The following VAV2 variants were observed in gnomAD, a reference collection of about 807,000 sequenced individuals.
The protein encoded by VAV2 is vav guanine nucleotide exchange factor 2.
Under a neutral mutation model 132.5 loss-of-function variants are expected in VAV2, and 67 were observed. The ratio of observed to expected loss-of-function variants is 0.51; its 90% confidence interval spans 0.42 to 0.62. VAV2 has a LOEUF of 0.62. Among genes scored for constraint, VAV2 ranks in the 20% least tolerant of loss-of-function variants. VAV2 has a pLI of 0.00. For missense variants in VAV2, 938 were observed against 1,153.6 expected, an observed-to-expected ratio of 0.81 and a Z score of 2.71; for synonymous variants, 492 against 443.5, an observed-to-expected ratio of 1.11 and a Z score of -1.37.
At chr9:133,896,905 T>G (rs1467226672) in intron 2 of VAV2, among the ~76,000 whole-genome samples, 1 of 151,772 alleles carries the variant, frequency 6.6e-6, no homozygotes, top group African/African-American at 2.4e-5. Flanking sequence ...CCATCCTGGC[T>G]AACATGGTGA....
chr9:133,923,996 T>A (rs1357766668), intron 2 of VAV2, among the ~76,000 whole-genome samples: 1 of 144,560 alleles, frequency 6.9e-6, no homozygotes, highest in African/African-American at 2.6e-5. Context: ...TGTCGGGGGG[T>A]GGGGGACTAG....
At chr9:133,855,696 T>C (rs988818321) in intron 3 of VAV2, among the ~76,000 whole-genome samples, 1 of 152,182 alleles carries the variant, frequency 6.6e-6, no homozygotes, top group African/African-American at 2.4e-5. Flanking sequence ...CATAAGGAAA[T>C]GCGAGGTCAC....
intron 2 of VAV2, among the ~76,000 whole-genome samples, chr9:133,880,604 T>C (rs1329690958): frequency 6.6e-6 from 1 of 152,156 alleles, no homozygotes; most frequent in African/African-American, 2.4e-5. Flanking sequence ...TGATGTGCAG[T>C]CCCTGATGGG....
intron 2 of VAV2, among the ~76,000 whole-genome samples, chr9:133,892,665 G>A (rs545423504): frequency 1.8e-4 from 28 of 152,184 alleles, no homozygotes; most frequent in African/African-American, 6.3e-4. Flanking sequence ...ACTGTCCTTC[G>A]GCTCCAACAG....
chr9:133,841,344 T>C (rs1836714820), intron 3 of VAV2, among the ~76,000 whole-genome samples: 1 of 151,928 alleles, frequency 6.6e-6, no homozygotes, highest in Non-Finnish European at 1.5e-5. Flanking sequence ...GCACTGGGCC[T>C]GGTGACCCCA....
Position 133,768,349 on chromosome 9 carries a change from T to C in VAV2, c.2589+93A>G, listed in dbSNP as rs1833503351. On this transcript the variant is annotated intron_variant, in intron 29 of 29. Coordinates refer to ENST00000371850, the MANE Select transcript of VAV2 (RefSeq NM_001134398.2). The surrounding 1 kb of genome is among the most constrained non-coding windows in gnomAD (Gnocchi z 5.3). ...AGGGTGTCTGGAACAGGGCCTGGGG[T>C]GTGGACATAGGTGTGGTGCTAGTCT... The C allele has an allele frequency of 1.3e-6, 2 of 1,507,062 alleles. No individual in the cohort carries two copies. Among genetic ancestry groups the C allele is most frequent in the African/African-American group, 1.4e-5 (1 of 72,702 alleles). The allele number at this position is 1,507,062 out of a possible 1,614,324, so 93.4% of individuals were successfully genotyped here. A position where few individuals can be genotyped will look rare whatever the true frequency, so the allele number is the denominator to read the frequency against.
intron 1 of VAV2, among the ~76,000 whole-genome samples, chr9:133,976,190 A>G (rs1456434378): frequency 2.0e-5 from 3 of 151,688 alleles, no homozygotes; most frequent in Admixed American, 6.6e-5. Context: ...TGGGTGACAG[A>G]GCGAGATTCC....
rs895704310 is a variant in VAV2, at chr9:133,840,090, G to A, written c.381-5750C>T. Among the ~76,000 whole-genome samples, 8 of 152,132 alleles carry A rather than the reference G, an allele frequency of 5.3e-5. No homozygotes were observed. Among genetic ancestry groups the A allele is most frequent in the African/African-American group, 9.7e-5 (4 of 41,412 alleles). On this transcript the variant is annotated intron_variant, in intron 3 of 29. Transcript: ENST00000371850. This position sits in a 1 kb window ranked among gnomAD's most constrained non-coding sequence, Gnocchi z 4.5. ...CTTGCCCTGTGGCGTTGCCTTGCTCGTTAAGAGCAGGGAATGAGAAGCAGA... is the reference window on the plus strand; with the variant it reads ...CTTGCCCTGTGGCGTTGCCTTGCTCATTAAGAGCAGGGAATGAGAAGCAGA...
intron 26 of VAV2, among the ~76,000 whole-genome samples, chr9:133,771,717 A>AC (rs1833634012): frequency 1.3e-5 from 2 of 152,044 alleles, no homozygotes; most frequent in South Asian, 4.1e-4. Flanking sequence ...CCCCTACCCC[A>AC]CCCCTGCACT....
intron 25 of VAV2, among the ~76,000 whole-genome samples, chr9:133,773,875 C>T (rs542657492): frequency 6.6e-5 from 10 of 152,332 alleles, no homozygotes; most frequent in African/African-American, 2.4e-5. Context: ...TCCTATGCTT[C>T]TATATGACTG....
At chr9:133,830,478 T>A (rs1836221123) in intron 4 of VAV2, among the ~76,000 whole-genome samples, 1 of 152,118 alleles carries the variant, frequency 6.6e-6, no homozygotes, top group Non-Finnish European at 1.5e-5. Flanking sequence ...ATCTGATGGT[T>A]TTATAAGGGG....
chr9:133,894,327 CAAG>C (rs1839108736), intron 2 of VAV2, among the ~76,000 whole-genome samples: 1 of 152,362 alleles, frequency 6.6e-6, no homozygotes, highest in African/African-American at 2.4e-5. Context: ...GCAACTGACC[CAAG>C]AAGGAGACCT....
At chr9:133,868,835 A>G (rs1449784592) in intron 2 of VAV2, among the ~76,000 whole-genome samples, 2 of 152,206 alleles carry the variant, frequency 1.3e-5, no homozygotes, top group Non-Finnish European at 2.9e-5. Context: ...CAAGCCAGGC[A>G]ATAGTGACCC....
chr9:133,785,418 G>T (rs1164164511), intron 17 of VAV2, among the ~76,000 whole-genome samples: 1 of 152,178 alleles, frequency 6.6e-6, no homozygotes, highest in African/African-American at 2.4e-5. Flanking sequence ...TGAAGACTGG[G>T]GTCACCAGGA....
intron 1 of VAV2, among the ~76,000 whole-genome samples, chr9:133,974,238 C>T (rs1489452372): frequency 3.3e-5 from 5 of 152,152 alleles, no homozygotes; most frequent in Non-Finnish European, 7.4e-5. Flanking sequence ...CGGAGCCAGG[C>T]ACGGGGTAGC....
intron 2 of VAV2, among the ~76,000 whole-genome samples, chr9:133,905,100 C>A (rs1396085446): frequency 6.6e-6 from 1 of 152,144 alleles, no homozygotes; most frequent in African/African-American, 2.4e-5. Context: ...AGTCACTCAC[C>A]AAGCCCTGGC....
rs1833804617 is a variant in VAV2, at chr9:133,776,177, T to C, written c.1966-97A>G. 10 of 1,520,142 alleles carry C rather than the reference T, an allele frequency of 6.6e-6. No individual in the cohort carries two copies. The East Asian group carries it at 1.7e-4, about 25-fold the overall frequency. The allele number at this position is 1,520,142 out of a possible 1,614,324, so 94.2% of individuals were successfully genotyped here. A position where few individuals can be genotyped will look rare whatever the true frequency, so the allele number is the denominator to read the frequency against. ...TGTCAGTGACTGCCCTGTCCCCACA[T>C]TGGCTGCCCTGGAGGGGACTGTCTG... is the stretch of plus-strand genomic sequence containing the variant. On this transcript the variant is annotated intron_variant, in intron 23 of 29. Coordinates refer to ENST00000371850, the MANE Select transcript of VAV2 (RefSeq NM_001134398.2).
chr9:133,837,523 C>A (rs1264026741), intron 3 of VAV2, among the ~76,000 whole-genome samples: 9 of 151,942 alleles, frequency 5.9e-5, no homozygotes, highest in African/African-American at 1.9e-4. Flanking sequence ...ACGGTGAAAC[C>A]CCGTCTCTAC....
chr9:133,783,667 T>C, intron 18 of VAV2, 76 bp from the exon 19 acceptor site: 1 of 1,388,264 alleles, frequency 7.2e-7, no homozygotes, highest in South Asian at 1.2e-5. Context: ...GTCAAGGCCC[T>C]TGTCCCCACC....
Sources: gnomAD v4.1 joint callset for allele counts (sites outside exome capture counted in the v4.1 genomes callset) on GRCh38, gnomAD v4.1.1 for gene constraint, Gnocchi (gnomAD v3.1) non-coding constraint, MANE v1.5 for transcripts, NCBI Gene and HGNC (gene_info 2026-07-23, HGNC 2026-07-21) for gene names.